The following DNAH11 variants were observed in gnomAD, a reference collection of about 807,000 sequenced individuals.
DNAH11 encodes the protein dynein axonemal heavy chain 11, also known as axonemal beta dynein heavy chain 11.
Under a neutral mutation model 526.0 loss-of-function variants are expected in DNAH11, and 442 were observed. The observed-to-expected ratio is 0.84, with a 90% CI of 0.78 to 0.91. DNAH11 has a LOEUF of 0.91. Ranked by LOEUF, DNAH11 falls within the 40% of genes least tolerant of loss-of-function variation. The pLI, the probability that DNAH11 is intolerant of heterozygous loss-of-function variation, is 0.00. For missense variants in DNAH11, 6,989 were observed against 5,448.7 expected (o/e 1.28, Z -8.90); for synonymous variants, 2,461 against 1,935.9 (o/e 1.27, Z -7.12).
intron 54 of DNAH11, among the ~76,000 whole-genome samples, chr7:21,763,817 T>G: frequency 7.4e-6 from 1 of 134,408 alleles, no homozygotes; most frequent in Non-Finnish European, 1.6e-5. Context: ...CATATACATA[T>G]ATATACATAT....
At chr7:21,852,686 T>C in intron 67 of DNAH11, 55 bp downstream of exon 67, 1 of 1,504,858 alleles carries the variant, frequency 6.6e-7, no homozygotes, top group Non-Finnish European at 8.9e-7. Flanking sequence ...GAATGAGACA[T>C]GTGGGGTGGG....
chr7:21,641,697 C>T lies in DNAH11; in HGVS notation c.4944+2632C>T, dbSNP rs181654741. On this transcript the variant is annotated intron_variant, in intron 28 of 81. Transcript: ENST00000409508. The stretch of plus-strand genomic sequence containing the variant: ...TCAGATTTCAGTGATGTGCTTTTTA[C>T]ATCCTTTAAAAAAATTTTTTACAAC... Among the ~76,000 whole-genome samples, 4 of 152,308 alleles carry T rather than the reference C, an allele frequency of 2.6e-5. No homozygotes were observed. The East Asian group carries it at 7.7e-4, about 29-fold the overall frequency.
chr7:21,846,344 T>TA (rs1252237174), intron 66 of DNAH11, among the ~76,000 whole-genome samples: 10 of 152,212 alleles, frequency 6.6e-5, no homozygotes, highest in African/African-American at 2.4e-4. Flanking sequence ...AAGTACAATG[T>TA]AAGCTATGAT....
chr7:21,823,076 T>C lies in DNAH11; in HGVS notation c.10691+4737T>C, dbSNP rs534127082. On this transcript the variant is annotated intron_variant, in intron 65 of 81. Transcript: ENST00000409508. ...ATCTTCTCCCATTCTGTAGGTTGTC[T>C]CTTCACTCCATTGATTGTTTCCTTT... Among the ~76,000 whole-genome samples, 16 of 151,032 alleles carry C rather than the reference T, an allele frequency of 1.1e-4. No homozygotes were observed. The East Asian group carries it at 2.8e-3, about 26-fold the overall frequency.
chr7:21,682,757 G>GT (rs888645955), intron 31 of DNAH11, among the ~76,000 whole-genome samples: 3 of 151,794 alleles, frequency 2.0e-5, no homozygotes, highest in South Asian at 2.1e-4. Flanking sequence ...TTTTTTCTGG[G>GT]TTTTTTTCTC....
chr7:21,717,859 A>G lies in DNAH11; in HGVS notation c.7068A>G (p.Ala2356=), dbSNP rs773805632. Residue 2356 remains alanine (A), a synonymous_variant, in exon 43 of 82, where the codon GCA becomes GCG. Transcript: ENST00000409508. ...TTCTTTTTGATAAATATGTCCCTGC[A>G]TGCTTGGATAAACTGAGAACAAGCT... ...LTILFDKYVP[A]CLDKLRTSFK... is the part of the protein sequence containing the mutation. 1.2e-6 allele frequency: 2 copies of G among 1,613,948 alleles called. No homozygotes were observed. The highest frequency in any genetic ancestry group is 1.7e-5 in the Admixed American group (1 of 60,006).
intron 61 of DNAH11, among the ~76,000 whole-genome samples, chr7:21,790,735 G>A (rs1289618288): frequency 6.6e-6 from 1 of 152,296 alleles, no homozygotes; most frequent in Non-Finnish European, 1.5e-5. Flanking sequence ...GGAAGGAGCA[G>A]TTGGGACACT....
chr7:21,590,401 A>G (rs1190557924), intron 12 of DNAH11, among the ~76,000 whole-genome samples: 1 of 152,202 alleles, frequency 6.6e-6, no homozygotes, highest in Non-Finnish European at 1.5e-5. Context: ...ACAAAACACA[A>G]AATGCCTTAA....
Position 21,869,001 on chromosome 7 carries a change from A to G in DNAH11, c.11967+10A>G. On this transcript the variant is annotated intron_variant, in intron 73 of 81. Transcript: ENST00000409508. ...CTGGGTCATCCTCCAAGTGAGTATTAAGTTTCAGGGAAGACACTGGGCATA... is the reference window on the plus strand; with the variant it reads ...CTGGGTCATCCTCCAAGTGAGTATTGAGTTTCAGGGAAGACACTGGGCATA... 1.2e-6 allele frequency: 2 copies of G among 1,613,742 alleles called. No homozygotes were observed.
rs1203479848 is a variant in DNAH11, at chr7:21,704,563, G to C, written c.6403G>C (p.Glu2135Gln). The C allele has an allele frequency of 1.2e-6, 2 of 1,613,848 alleles. No individual in the cohort carries two copies. The highest frequency in any genetic ancestry group is 1.3e-5 in the African/African-American group (1 of 75,050). ...DVPRRRKLHF[E>Q]QMVRQSTLEL... The stretch of plus-strand genomic sequence containing the variant: ...GCCCCGGAGGAGGAAGCTGCACTTT[G>C]AACAGATGGTCAGGCAGTCTACCCT... The change falls in exon 38 of 82, where the codon GAA (glutamate) becomes CAA (glutamine). Residue 2135 changes from glutamate to glutamine, a missense_variant. Coordinates refer to ENST00000409508, the MANE Select transcript of DNAH11 (RefSeq NM_001277115.2).
chr7:21,866,779 C>G, intron 71 of DNAH11, 116 bp downstream of exon 71: 1 of 1,133,598 alleles, frequency 8.8e-7, no homozygotes, highest in Non-Finnish European at 1.2e-6. Flanking sequence ...GGGAGTGATT[C>G]TGCTGAGATT....
At chr7:21,787,673 G>T in intron 60 of DNAH11, 90 bp downstream of exon 60, 1 of 1,198,658 alleles carries the variant, frequency 8.3e-7, no homozygotes. Context: ...AGTAAAATTT[G>T]TTATTTCATT....
chr7:21,830,516 G>C, intron 65 of DNAH11, among the ~76,000 whole-genome samples: 1 of 152,158 alleles, frequency 6.6e-6, no homozygotes, highest in Non-Finnish European at 1.5e-5. Flanking sequence ...AGTCAGGCAG[G>C]TTGACAGAGG....
intron 14 of DNAH11, among the ~76,000 whole-genome samples, chr7:21,593,196 G>A (rs1016455287): frequency 9.9e-5 from 15 of 152,102 alleles, no homozygotes; most frequent in Non-Finnish European, 1.8e-4. Flanking sequence ...AATAATAGAA[G>A]GGATTTCAAG....
intron 51 of DNAH11, among the ~76,000 whole-genome samples, chr7:21,748,242 G>C (rs986889571): frequency 6.6e-6 from 1 of 152,202 alleles, no homozygotes; most frequent in East Asian, 1.9e-4. Flanking sequence ...CCAGCACTTT[G>C]GGAGGCCAAG....
rs143908457 is a variant in DNAH11 at position 21,639,207 on chromosome 7, C to G, written c.4944+142C>G. 170 of 1,028,184 alleles carry G rather than the reference C, an allele frequency of 1.7e-4. No homozygotes were observed. In the African/African-American group the frequency reaches 2.5e-3, roughly 15 times the overall value. 63.7% of individuals were successfully genotyped at this position (1,028,184 alleles called of 1,614,324 possible). On this transcript the variant is annotated intron_variant, in intron 28 of 81. Transcript: ENST00000409508. The stretch of plus-strand genomic sequence containing the variant: ...GCAGTTAAAATTTGTAATGTAGCAT[C>G]AGAGGGATGTCAGAGGCTGTGCAAA...
chr7:21,874,663 A>G (rs1331013039), intron 74 of DNAH11, among the ~76,000 whole-genome samples: 1 of 151,896 alleles, frequency 6.6e-6, no homozygotes, highest in East Asian at 1.9e-4. Flanking sequence ...ATAAATTAAT[A>G]CATAAATACA....
chr7:21,710,683 A>G lies in DNAH11; in HGVS notation c.6814A>G (p.Thr2272Ala), dbSNP rs748524774. ...CCCCATGTGGATTGAATCACTGAAT[A>G]CTGTAATGGATGATAACAAGGTGAA... ...IDPMWIESLN[T>A]VMDDNKVLTL... Residue 2272 changes from threonine to alanine, a missense_variant, in exon 41 of 82, where the codon ACT becomes GCT. Coordinates refer to ENST00000409508, the MANE Select transcript of DNAH11 (RefSeq NM_001277115.2). The G allele has an allele frequency of 2.5e-6, 4 of 1,612,600 alleles. No homozygotes were observed. Among genetic ancestry groups the G allele is most frequent in the South Asian group, 1.1e-5 (1 of 90,798 alleles).
At chr7:21,562,452 T>A (rs1390386863) in intron 5 of DNAH11, among the ~76,000 whole-genome samples, 1 of 152,136 alleles carries the variant, frequency 6.6e-6, no homozygotes, top group Non-Finnish European at 1.5e-5. Context: ...CTGTTGGCAT[T>A]TTTTTTTCTG....
Sources: allele counts gnomAD v4.1 joint callset (sites outside exome capture counted in the v4.1 genomes callset), GRCh38; gene constraint gnomAD v4.1.1; transcripts MANE v1.5; gene names NCBI Gene and HGNC (gene_info 2026-07-23, HGNC 2026-07-21).